Variants in WASF3 observed in about 807,000 individuals in gnomAD.
WASF3 encodes the protein WASP family member 3.
Under a neutral mutation model 46.6 loss-of-function variants are expected in WASF3, and 11 were observed. That is an observed-to-expected ratio of 0.24 (90% CI 0.15 to 0.39). The LOEUF is 0.39. Ranked by LOEUF, WASF3 falls within the 10% of genes least tolerant of loss-of-function variation. The probability of loss-of-function intolerance (pLI) is 1.00; values close to 1 mark genes in which losing one functional copy is unlikely to be tolerated. For synonymous variants in WASF3, 242 were observed against 259.7 expected (o/e 0.93, Z 0.65); for missense variants, 576 against 669.8 (o/e 0.86, Z 1.55).
intron 5 of WASF3, among the ~76,000 whole-genome samples, chr13:26,668,160 A>G (rs1375976929): frequency 6.6e-6 from 1 of 152,232 alleles, no homozygotes; most frequent in African/African-American, 2.4e-5. Context: ...ACCTTCTGTT[A>G]CTGGAAAATG....
chr13:26,648,270 A>T (rs1168856544), intron 3 of WASF3, among the ~76,000 whole-genome samples: 1 of 152,118 alleles, frequency 6.6e-6, no homozygotes, highest in East Asian at 1.9e-4. Flanking sequence ...AAATCTATTT[A>T]ATTTTCATGT....
chr13:26,551,484 TAGTA>T, the WASF3 span, among the ~76,000 whole-genome samples: 4 of 152,210 alleles, frequency 2.6e-5, no homozygotes, highest in African/African-American at 9.6e-5. Context: ...GCTCTATGCC[TAGTA>T]AGTGTTAGGC....
chr13:26,558,722 A>AT (rs1879186634), intron 1 of WASF3, among the ~76,000 whole-genome samples: 1 of 152,146 alleles, frequency 6.6e-6, no homozygotes, highest in South Asian at 2.1e-4. Context: ...TTTAAGGTTA[A>AT]TTTTTAAATT....
intron 7 of WASF3, among the ~76,000 whole-genome samples, chr13:26,678,575 C>T (rs1883133887): frequency 6.6e-6 from 1 of 152,046 alleles, no homozygotes; most frequent in Non-Finnish European, 1.5e-5. Flanking sequence ...ATCCAAGATA[C>T]TGAGGGAAAT....
intron 3 of WASF3, 46 bp from the exon 4 acceptor site, chr13:26,664,982 A>T (rs1882728226): frequency 6.2e-7 from 1 of 1,606,100 alleles, no homozygotes; most frequent in South Asian, 1.1e-5. Context: ...GGGCCGCTTC[A>T]TCAGCTCCCT....
chr13:26,613,161 G>C (rs1331825210), intron 2 of WASF3, 103 bp downstream of exon 2: 2 of 149,536 alleles, frequency 1.3e-5, no homozygotes, highest in South Asian at 2.1e-4. Context: ...TAATATTTTT[G>C]AATATTAAAT....
intron 2 of WASF3, among the ~76,000 whole-genome samples, chr13:26,631,466 A>G: frequency 6.6e-6 from 1 of 152,188 alleles, no homozygotes; most frequent in Admixed American, 6.5e-5. Context: ...AGGTTTGTCA[A>G]AGATCAGATG....
At chr13:26,626,193 A>G (rs901449618) in intron 2 of WASF3, 1 of 152,266 alleles carries the variant, frequency 6.6e-6, no homozygotes, top group African/African-American at 2.4e-5. Flanking sequence ...ATAGCCAAGG[A>G]TCAGTGAGAG....
At chr13:26,559,806 TTC>T (rs1417059565) in intron 1 of WASF3, among the ~76,000 whole-genome samples, 1,996 of 52,982 alleles carry the variant, frequency 0.038, 106 homozygotes, top group African/African-American at 0.062. Flanking sequence ...CTTTCTTTCT[TTC>T]TTTTTTTTTT....
chr13:26,613,668 G>A lies in WASF3; in HGVS notation c.-11+610G>A, dbSNP rs1264799137. Among the ~76,000 whole-genome samples the A allele has an allele frequency of 2.0e-5, 3 of 152,156 alleles. No individual in the cohort carries two copies. The East Asian group carries it at 5.8e-4, about 29-fold the overall frequency. On this transcript the variant is annotated intron_variant, in intron 2 of 9. Coordinates refer to ENST00000335327, the MANE Select transcript of WASF3 (RefSeq NM_006646.6). Reference sequence around the variant, plus strand: ...GCCTGTAATTCCAGCTGCTTGGGAGGCTGAGGCCCGAGAATGGTGTGAACC... The same window carrying A: ...GCCTGTAATTCCAGCTGCTTGGGAGACTGAGGCCCGAGAATGGTGTGAACC...
At chr13:26,546,980 C>T in the WASF3 span, among the ~76,000 whole-genome samples, 1 of 152,148 alleles carries the variant, frequency 6.6e-6, no homozygotes, top group Non-Finnish European at 1.5e-5. Flanking sequence ...ATGTCTGAAG[C>T]CTCCTATCTG....
intron 1 of WASF3, among the ~76,000 whole-genome samples, chr13:26,596,515 G>A (rs771211294): frequency 7.2e-5 from 11 of 151,794 alleles, no homozygotes; most frequent in Non-Finnish European, 1.5e-4. Context: ...CCTTATTGCA[G>A]TTTTCTGCAA....
intron 2 of WASF3, among the ~76,000 whole-genome samples, chr13:26,620,046 C>T (rs1386207498): frequency 1.3e-5 from 2 of 152,074 alleles, no homozygotes; most frequent in Non-Finnish European, 1.5e-5. Flanking sequence ...AGTGAGAGAC[C>T]GAGATTCTAG....
intron 1 of WASF3, among the ~76,000 whole-genome samples, chr13:26,599,358 A>AT (rs1268785331): frequency 1.3e-5 from 2 of 151,550 alleles, no homozygotes; most frequent in East Asian, 1.9e-4. Flanking sequence ...AATTTTCTGT[A>AT]TTTTTTGTAG....
At chr13:26,665,965 T>G (rs1882756629) in intron 4 of WASF3, among the ~76,000 whole-genome samples, 2 of 152,212 alleles carry the variant, frequency 1.3e-5, no homozygotes, top group Non-Finnish European at 2.9e-5. Flanking sequence ...AAGATCCTAG[T>G]GTCTGATTTT....
chr13:26,548,401 C>A, the WASF3 span, among the ~76,000 whole-genome samples: 1 of 152,198 alleles, frequency 6.6e-6, no homozygotes, highest in Non-Finnish European at 1.5e-5. Flanking sequence ...CTGCTCTTTT[C>A]TTTCCCTTCT....
chr13:26,595,905 T>A (rs1179082385), intron 1 of WASF3, among the ~76,000 whole-genome samples: 3 of 152,198 alleles, frequency 2.0e-5, no homozygotes, highest in Non-Finnish European at 4.4e-5. Context: ...CAAACAACAT[T>A]TGCATTGTTT....
chr13:26,602,256 A>G (rs1332003798), intron 1 of WASF3, among the ~76,000 whole-genome samples: 1 of 152,174 alleles, frequency 6.6e-6, no homozygotes, highest in Non-Finnish European at 1.5e-5. Flanking sequence ...CTACAGGATT[A>G]TATTGGATGC....
At chr13:26,595,796 G>T (rs1880443687) in intron 1 of WASF3, among the ~76,000 whole-genome samples, 1 of 152,128 alleles carries the variant, frequency 6.6e-6, no homozygotes, top group Non-Finnish European at 1.5e-5. Flanking sequence ...TGTCTTTGAG[G>T]TCTGTCCGGG....
Sources: allele counts gnomAD v4.1 joint callset (sites outside exome capture counted in the v4.1 genomes callset), GRCh38; gene constraint gnomAD v4.1.1; transcripts MANE v1.5; gene names NCBI Gene and HGNC (gene_info 2026-07-23, HGNC 2026-07-21).